JSRP1: variants seen among roughly 807,000 people sequenced by gnomAD.
JSRP1 encodes junctional sarcoplasmic reticulum protein 1.
A neutral mutation model predicts 21.4 loss-of-function variants in JSRP1; 29 were observed. The ratio of observed to expected loss-of-function variants is 1.36; its 90% CI spans 1.01 to 1.85. The LOEUF is 1.85. Ranked by LOEUF, JSRP1 falls within the 40% of genes most tolerant of loss-of-function variation. The pLI is 0.00. For synonymous variants in JSRP1, 221 were observed against 206.1 expected (o/e 1.07, Z -0.62); for missense variants, 531 against 461.5 (o/e 1.15, Z -1.38).
chr19:2,255,907 C>A (rs1364751886), intron 1 of JSRP1, among the ~76,000 whole-genome samples: 2 of 152,160 alleles, frequency 1.3e-5, no homozygotes, highest in Admixed American at 6.5e-5. Flanking sequence ...TGGCTCTGGT[C>A]GTGACAGGCC....
intron 1 of JSRP1, 48 bp from the exon 2 acceptor site, chr19:2,255,392 C>T (rs2025133155): frequency 4.4e-6 from 4 of 908,064 alleles, no homozygotes; most frequent in Non-Finnish European, 6.7e-6. Flanking sequence ...GTCTCTGCCA[C>T]AGGCCTGGGC....
intron 5 of JSRP1, among the ~76,000 whole-genome samples, chr19:2,253,204 T>G (rs1038991719): frequency 2.6e-5 from 4 of 152,140 alleles, no homozygotes; most frequent in African/African-American, 9.7e-5. Context: ...CGAACCTCGC[T>G]CTTTCAATTG....
intron 1 of JSRP1, among the ~76,000 whole-genome samples, chr19:2,255,937 C>T (rs2025140138): frequency 1.3e-5 from 2 of 152,124 alleles, no homozygotes; most frequent in South Asian, 4.1e-4. Context: ...GAGGAGGGTC[C>T]CGGTTGTGGT....
intron 5 of JSRP1, 133 bp from the exon 6 acceptor site, chr19:2,253,136 G>A: frequency 1.6e-6 from 1 of 644,142 alleles, no homozygotes; most frequent in South Asian, 2.1e-5. Context: ...TGAGACTAAG[G>A]ATGCCCCCGA....
intron 2 of JSRP1, among the ~76,000 whole-genome samples, chr19:2,254,721 TAAAA>T (rs35839566): frequency 3.5e-5 from 4 of 115,040 alleles, no homozygotes; most frequent in African/African-American, 6.2e-5. Flanking sequence ...ACCCCATCTC[TAAAA>T]AAAAAAAAAA....
chr19:2,253,118 G>A (rs1361875075), intron 5 of JSRP1, 115 bp from the exon 6 acceptor site: 8 of 735,034 alleles, frequency 1.1e-5, no homozygotes, highest in African/African-American at 1.8e-5. Context: ...GGGCTCCCCC[G>A]GTACGGCTGA....
At chr19:2,253,882 C>T in intron 4 of JSRP1, 89 bp from the exon 5 acceptor site, 1 of 1,311,384 alleles carries the variant, frequency 7.6e-7, no homozygotes, top group Non-Finnish European at 9.8e-7. Flanking sequence ...AGGCCTGTGC[C>T]CTGAACCCGG....
At position 2,252,901 on chromosome 19, in the gene JSRP1, G is replaced by T; in HGVS notation, c.528+11C>A. 6.2e-7 allele frequency: 1 copy of T among 1,608,196 alleles called. No homozygotes were observed. Among genetic ancestry groups the T allele is most frequent in the Non-Finnish European group, 8.5e-7 (1 of 1,177,322 alleles). On this transcript the variant is annotated intron_variant, in intron 6 of 6. Coordinates refer to ENST00000300961, the MANE Select transcript of JSRP1 (RefSeq NM_144616.4). ...TCCCAATGCCCGCGGTCAGTGGAAG[G>T]AAGCTCTTACCAGGGGCGACGATGG...
chr19:2,254,396 C>T (rs764498278), intron 3 of JSRP1, 49 bp downstream of exon 3: 6 of 1,610,726 alleles, frequency 3.7e-6, no homozygotes, highest in African/African-American at 1.3e-5. Flanking sequence ...GGCTTGTCCC[C>T]AACTCCCCAG....
At chr19:2,254,543 C>T (rs937659036) in intron 2 of JSRP1, 61 bp from the exon 3 acceptor site, 3 of 1,593,498 alleles carry the variant, frequency 1.9e-6, no homozygotes, top group East Asian at 2.3e-5. Flanking sequence ...CACCCTCTCC[C>T]CTGGCCCTGC....
rs1449381307 is a variant in JSRP1, at chr19:2,254,156, C to T, written c.262+31G>A. The T allele has an allele frequency of 3.3e-6, 5 of 1,528,408 alleles. No homozygotes were observed. In the African/African-American group the frequency reaches 4.1e-5, roughly 13 times the overall value. 94.7% of individuals were successfully genotyped at this position (1,528,408 alleles called of 1,614,324 possible). On this transcript the variant is annotated intron_variant, in intron 4 of 6. Transcript: ENST00000300961. The stretch of plus-strand genomic sequence containing the variant: ...GCCTCACACCAGTCCGTTCCCACCC[C>T]ACACCTCACCCATGCCTCCTGCAAA...
In JSRP1 at chr19:2,253,689, A is replaced by G; in HGVS notation, c.367T>C (p.Ser123Pro). 6.6e-7 allele frequency: 1 copy of G among 1,510,726 alleles called. No individual in the cohort carries two copies. The allele number at this position is 1,510,726 out of a possible 1,614,324, so 93.6% of individuals were successfully genotyped here. The change falls in exon 5 of 7, where the codon TCG becomes CCG. Residue 123 changes from serine (S) to proline (P), a missense_variant. Coordinates refer to ENST00000300961, the MANE Select transcript of JSRP1 (RefSeq NM_144616.4). Reference sequence around the variant, plus strand: ...GCGAGCACCAGGCACTTGTTGAGCGACAGGTCTCCCCAGGGCAGCTCCTCG... The same window carrying G: ...GCGAGCACCAGGCACTTGTTGAGCGGCAGGTCTCCCCAGGGCAGCTCCTCG... Reference protein sequence around the residue: ...LSEELPWGDLSLNKCLVLASL... With the variant: ...LSEELPWGDLPLNKCLVLASL...
intron 5 of JSRP1, 96 bp from the exon 6 acceptor site, chr19:2,253,099 G>C: frequency 1.2e-6 from 1 of 857,002 alleles, no homozygotes; most frequent in South Asian, 1.6e-5. Flanking sequence ...TCCCTGGACA[G>C]TTGGAGTGGG....
chr19:2,253,897 C>T, intron 4 of JSRP1, 104 bp from the exon 5 acceptor site: 1 of 1,258,784 alleles, frequency 7.9e-7, no homozygotes, highest in Non-Finnish European at 1.0e-6. Flanking sequence ...ACCCGGCTCT[C>T]TCTGCCTGCC....
chr19:2,252,994 G>T lies in JSRP1; in HGVS notation c.446C>A (p.Pro149His). The T allele has an allele frequency of 6.2e-7, 1 of 1,601,808 alleles. No individual in the cohort carries two copies. The highest frequency in any genetic ancestry group is 8.5e-7 in the Non-Finnish European group (1 of 1,174,562). ...ACGTGCTTGGAGTGCTGCCTCCCCA[G>T]GGACGGCGTCTGCAGCGACAGGGTC... ...SAFQLCRDAV[P>H]GEAALQARVP... The change falls in exon 6 of 7, where the codon CCT (proline) becomes CAT (histidine). Residue 149 changes from proline (P) to histidine (H), a missense_variant. Coordinates refer to ENST00000300961, the MANE Select transcript of JSRP1 (RefSeq NM_144616.4).
chr19:2,253,537 T>C, intron 5 of JSRP1, 83 bp downstream of exon 5: 1 of 1,318,416 alleles, frequency 7.6e-7, no homozygotes, highest in Non-Finnish European at 9.8e-7. Context: ...GACCCCACCC[T>C]GGCGGCACAG....
At position 2,252,279 on chromosome 19, in the gene JSRP1, G is replaced by A. The variant is rs2025064689; in HGVS notation, c.*50C>T. ...CCGCAGCACTCGCTTTATTTCGCCA[G>A]AGTCGCGGGGCGTCCAGAAGGGGCC... On this transcript the variant is annotated 3_prime_UTR_variant, in exon 7 of 7. Coordinates refer to ENST00000300961, the MANE Select transcript of JSRP1 (RefSeq NM_144616.4). The A allele has an allele frequency of 7.2e-7, 1 of 1,393,026 alleles. No individual in the cohort carries two copies. Among genetic ancestry groups the A allele is most frequent in the South Asian group, 1.5e-5 (1 of 66,520 alleles). 86.3% of individuals were successfully genotyped at this position (1,393,026 alleles called of 1,614,324 possible). A position where few individuals can be genotyped will look rare whatever the true frequency, so the allele number is the denominator to read the frequency against.
chr19:2,252,823 T>A (rs763012224), intron 6 of JSRP1, 27 bp from the exon 7 acceptor site: 5 of 1,598,772 alleles, frequency 3.1e-6, no homozygotes, highest in Non-Finnish European at 4.3e-6. Flanking sequence ...GGTCCTGGGG[T>A]AAGCGCCCAC....
At chr19:2,254,711 A>AC (rs1220718712) in intron 2 of JSRP1, among the ~76,000 whole-genome samples, 2 of 140,568 alleles carry the variant, frequency 1.4e-5, no homozygotes, top group Admixed American at 7.2e-5. Context: ...ACATAGTGAG[A>AC]CCCCATCTCT....
Sources: allele counts gnomAD v4.1 joint callset (sites outside exome capture counted in the v4.1 genomes callset), GRCh38; gene constraint gnomAD v4.1.1; transcripts MANE v1.5; gene names NCBI Gene and HGNC (gene_info 2026-07-23, HGNC 2026-07-21).